RAD51B: variants seen among roughly 807,000 people sequenced by gnomAD.
RAD51B encodes the protein DNA repair protein RAD51 homolog 2.
A neutral mutation model predicts 42.2 loss-of-function variants in RAD51B; 38 were observed. The ratio of observed to expected loss-of-function variants is 0.90; its 90% CI spans 0.70 to 1.18. The LOEUF (loss-of-function observed/expected upper bound fraction) is 1.18. RAD51B is among the 50% of genes most tolerant of loss of function. RAD51B has a pLI of 0.00. For missense variants in RAD51B, 373 were observed against 400.7 expected (o/e 0.93, Z 0.59); for synonymous variants, 154 against 145.2 (o/e 1.06, Z -0.43).
At chr14:68,611,718 A>C (rs764921918), downstream of RAD51B, among the ~76,000 whole-genome samples, 17 of 152,208 alleles carry the variant, frequency 1.1e-4, no homozygotes, top group Non-Finnish European at 2.2e-4. Context: ...TTTTCACTTG[A>C]GAAAGGTTTA....
intron 10 of RAD51B, chr14:68,469,207 A>T (rs2086061627): frequency 2.4e-6 from 1 of 411,480 alleles, no homozygotes; most frequent in Admixed American, 2.3e-5. Context: ...TTATAAGTTA[A>T]ATATTTTTCC....
chr14:68,182,125 A>G (rs1162916561), intron 7 of RAD51B, among the ~76,000 whole-genome samples: 1 of 152,076 alleles, frequency 6.6e-6, no homozygotes, highest in East Asian at 1.9e-4. Flanking sequence ...ACTCTGTGGA[A>G]TCTCCTCCTC....
At chr14:68,077,825 G>T (rs768435199) in intron 7 of RAD51B, among the ~76,000 whole-genome samples, 52 of 152,262 alleles carry the variant, frequency 3.4e-4, no homozygotes, top group Non-Finnish European at 6.8e-4. Context: ...GTGTCGTGGC[G>T]CAAGCCTGTA....
intron 4 of RAD51B, among the ~76,000 whole-genome samples, chr14:67,862,424 A>G (rs921659855): frequency 6.6e-6 from 1 of 152,078 alleles, no homozygotes; most frequent in African/African-American, 2.4e-5. Context: ...GTAAGCAAAA[A>G]AAAAAAAAAG....
intron 7 of RAD51B, among the ~76,000 whole-genome samples, chr14:67,890,997 C>G (rs1396493450): frequency 6.6e-6 from 1 of 152,108 alleles, no homozygotes; most frequent in African/African-American, 2.4e-5. Context: ...ACAGGACTTT[C>G]ACCTTTTGAA....
chr14:67,913,791 A>G (rs901881168), intron 7 of RAD51B, among the ~76,000 whole-genome samples: 1 of 152,110 alleles, frequency 6.6e-6, no homozygotes, highest in Non-Finnish European at 1.5e-5. Context: ...CCTTTGTGTT[A>G]CAATCTAGTT....
At chr14:68,584,608 C>T (rs1032531734) in intron 10 of RAD51B, among the ~76,000 whole-genome samples, 1 of 152,182 alleles carries the variant, frequency 6.6e-6, no homozygotes, top group Admixed American at 6.5e-5. Context: ...CTCATCTGCA[C>T]CTACCCAGCT....
At chr14:68,414,618 C>G (rs1405988634) in intron 9 of RAD51B, among the ~76,000 whole-genome samples, 5 of 152,026 alleles carry the variant, frequency 3.3e-5, no homozygotes, top group African/African-American at 1.2e-4. Context: ...GATTTGTTGT[C>G]TAATGAGTGG....
At chr14:68,504,980 G>A (rs1885203585) in intron 10 of RAD51B, among the ~76,000 whole-genome samples, 1 of 152,172 alleles carries the variant, frequency 6.6e-6, no homozygotes. Context: ...CCAAACATGG[G>A]CAGCAGCTGA....
chr14:68,673,864 T>C (rs1459893170), intron 11 of RAD51B, among the ~76,000 whole-genome samples: 1 of 108,388 alleles, frequency 9.2e-6, no homozygotes, highest in Non-Finnish European at 1.8e-5. Context: ...CTCATACATG[T>C]ACACATACTG....
chr14:68,042,947 A>G (rs1393521019), intron 7 of RAD51B, among the ~76,000 whole-genome samples: 2 of 152,208 alleles, frequency 1.3e-5, no homozygotes, highest in East Asian at 3.8e-4. Flanking sequence ...GAAGAAGCCA[A>G]GTTCTCAACA....
intron 7 of RAD51B, among the ~76,000 whole-genome samples, chr14:68,201,055 G>A (rs1230778530): frequency 6.6e-6 from 1 of 152,144 alleles, no homozygotes; most frequent in African/African-American, 2.4e-5. Context: ...AGTCCTGATT[G>A]CTTTGCTTAA....
At chr14:68,283,882 G>A (rs909994211) in intron 7 of RAD51B, among the ~76,000 whole-genome samples, 2 of 152,226 alleles carry the variant, frequency 1.3e-5, no homozygotes, top group Admixed American at 6.5e-5. Context: ...TGGTTATCTT[G>A]TGTGTTTACT....
rs138518467 is a variant in RAD51B at position 67,974,108 on chromosome 14, C to T, written c.756+86904C>T. Among the ~76,000 whole-genome samples, 451 of 151,938 alleles carry T rather than the reference C, an allele frequency of 3.0e-3. 1 individual carries two copies. Among genetic ancestry groups the T allele is most frequent in the Non-Finnish European group, 4.7e-3 (317 of 67,900 alleles). ...ATTGTTCAGTTCAATATAATTAAAA[C>T]GGAGGTTTGTGTTAGAACTAAGTTA... On this transcript the variant is annotated intron_variant, in intron 7 of 10. Transcript: ENST00000471583.
chr14:68,500,446 C>T (rs749689447), intron 10 of RAD51B, among the ~76,000 whole-genome samples: 1 of 152,206 alleles, frequency 6.6e-6, no homozygotes, highest in Admixed American at 6.5e-5. Flanking sequence ...ACAGAAGGCT[C>T]AAGACCCACA....
rs370505431 is a variant in RAD51B at position 68,305,114 on chromosome 14, C to T, written c.853+13134C>T. ...GTTCTAGTATTTTTTCCCTACATCC[C>T]GTTGAGTCATTGTGATGTATTCCCA... On this transcript the variant is annotated intron_variant, in intron 8 of 10. Coordinates refer to ENST00000471583, the MANE Select transcript of RAD51B (RefSeq NM_133510.4). Among the ~76,000 whole-genome samples the T allele has an allele frequency of 7.9e-5, 12 of 152,266 alleles. No homozygotes were observed. The South Asian group carries it at 1.2e-3, about 16-fold the overall frequency.
At chr14:67,851,024 G>A (rs902884988) in intron 4 of RAD51B, among the ~76,000 whole-genome samples, 1 of 152,102 alleles carries the variant, frequency 6.6e-6, no homozygotes, top group Non-Finnish European at 1.5e-5. Flanking sequence ...GTAGCTGTGT[G>A]GCTCCTCTGC....
intron 7 of RAD51B, among the ~76,000 whole-genome samples, chr14:68,088,729 G>T (rs1305397192): frequency 6.6e-6 from 1 of 151,760 alleles, no homozygotes; most frequent in African/African-American, 2.4e-5. Flanking sequence ...GGTGTCTGGG[G>T]TAATTGTGCT....
At chr14:68,617,917 G>C (rs1206729585) in intron 10 of RAD51B, among the ~76,000 whole-genome samples, 1 of 152,176 alleles carries the variant, frequency 6.6e-6, no homozygotes, top group Admixed American at 6.5e-5. Flanking sequence ...GATACAGGGG[G>C]AGGGTAAATC....
Sources: gnomAD v4.1 joint callset for allele counts (sites outside exome capture counted in the v4.1 genomes callset) on GRCh38, gnomAD v4.1.1 for gene constraint, MANE v1.5 for transcripts, NCBI Gene and HGNC (gene_info 2026-07-23, HGNC 2026-07-21) for gene names.